The following CRMP1 variants were observed in gnomAD, a reference collection of about 807,000 sequenced individuals.
The protein encoded by CRMP1 is collapsin response mediator protein 1.
CRMP1 carries 19 observed loss-of-function variants against 68.3 expected under a neutral mutation model. The observed-to-expected ratio is 0.28, with a 90% confidence interval of 0.19 to 0.41. The LOEUF is 0.41. Ranked by LOEUF, CRMP1 falls within the 10% of genes least tolerant of loss-of-function variation. The pLI is 1.00. For synonymous variants in CRMP1, 439 were observed against 399.6 expected, an observed-to-expected ratio of 1.10 and a Z score of -1.18; for missense variants, 791 against 967.4, an observed-to-expected ratio of 0.82 and a Z score of 2.42.
chr4:5,824,516 CT>C (rs1292231108), intron 13 of CRMP1: 1 of 985,244 alleles, frequency 1.0e-6, no homozygotes, highest in Non-Finnish European at 1.2e-6. Context: ...CCCTTCCACT[CT>C]CTCTTTTGCT....
chr4:5,856,722 T>C (rs111066723), intron 3 of CRMP1, among the ~76,000 whole-genome samples: 2,639 of 150,028 alleles, frequency 0.018, 78 homozygotes, highest in African/African-American at 0.062. Context: ...CCGTCATCAC[T>C]ATCATTATCG....
chr4:5,875,998 A>T (rs1348451096), intron 1 of CRMP1, among the ~76,000 whole-genome samples: 2 of 151,966 alleles, frequency 1.3e-5, no homozygotes, highest in Admixed American at 1.3e-4. Context: ...TAAAAAATAC[A>T]AAAAATTAGC....
chr4:5,875,338 A>T (rs1714733125), intron 1 of CRMP1, among the ~76,000 whole-genome samples: 1 of 151,332 alleles, frequency 6.6e-6, no homozygotes, highest in East Asian at 1.9e-4. Context: ...TAAATCTGTC[A>T]TCTCCACCAT....
At position 5,839,534 on chromosome 4, in the gene CRMP1, G is replaced by A; in HGVS notation, c.1298C>T (p.Ser433Phe). The change falls in exon 9 of 14, where the codon TCC (serine) becomes TTC (phenylalanine). Residue 433 changes from serine (S) to phenylalanine (F), a missense_variant. By Grantham distance (155) the Ser-to-Phe change is radical (BLOSUM62 -2). Coordinates refer to ENST00000324989, the MANE Select transcript of CRMP1 (RefSeq NM_001014809.3). The stretch of plus-strand genomic sequence containing the variant: ...TCACAGGTCTCACCAGGCCAGTAGG[G>A]AGGTCAAGTAGTCGGGCGTGGTAGG... ...PDPTTPDYLT[S>F]LLACGDLQVT... 6.2e-7 allele frequency: 1 copy of A among 1,609,612 alleles called. No individual in the cohort carries two copies. Among genetic ancestry groups the A allele is most frequent in the Non-Finnish European group, 8.5e-7 (1 of 1,178,174 alleles).
intron 2 of CRMP1, among the ~76,000 whole-genome samples, chr4:5,864,592 G>A (rs982694207): frequency 3.3e-5 from 5 of 152,132 alleles, no homozygotes; most frequent in African/African-American, 1.2e-4. Context: ...ACGAGGCAAG[G>A]CCCTGGTCAA....
At position 5,842,997 on chromosome 4, in the gene CRMP1, G is replaced by T; in HGVS notation, c.1032+96C>A. The T allele has an allele frequency of 8.4e-7, 1 of 1,190,362 alleles. No homozygotes were observed. 73.7% of individuals were successfully genotyped at this position (1,190,362 alleles called of 1,614,324 possible). On this transcript the variant is annotated intron_variant, in intron 7 of 13. Coordinates refer to ENST00000324989, the MANE Select transcript of CRMP1 (RefSeq NM_001014809.3). This position sits in a 1 kb window ranked among gnomAD's most constrained non-coding sequence, Gnocchi z 4.5. ...TGGTCTGGGAGAGGACACGGGAAGAGGCCGGGTCCTGGCTGGGCTACTCCA... is the reference window on the plus strand; with the variant it reads ...TGGTCTGGGAGAGGACACGGGAAGATGCCGGGTCCTGGCTGGGCTACTCCA...
rs961252579 is a variant in CRMP1 at position 5,883,649 on chromosome 4, G to C, written c.381+8940C>G. On this transcript the variant is annotated intron_variant, in intron 1 of 13. Transcript: ENST00000324989. The surrounding 1 kb of genome is among the most constrained non-coding windows in gnomAD (Gnocchi z 4.5). ...TCACTTAGATGGCAAGATAATTAAGGTCAGGGACACACACACACACACACA... is the reference window on the plus strand; with the variant it reads ...TCACTTAGATGGCAAGATAATTAAGCTCAGGGACACACACACACACACACA... Among the ~76,000 whole-genome samples, 1 of 91,734 alleles carries C rather than the reference G, an allele frequency of 1.1e-5. No homozygotes were observed. The highest frequency in any genetic ancestry group is 2.4e-5 in the Non-Finnish European group (1 of 41,702). The allele number at this position is 91,734 out of a possible 152,430, so 60.2% of individuals were successfully genotyped here.
Position 5,851,476 on chromosome 4 carries a change from C to G in CRMP1, c.821-7G>C, listed in dbSNP as rs779191876. On this transcript the variant is annotated splice_polypyrimidine_tract_variant and splice_region_variant and intron_variant, in intron 4 of 13. Coordinates refer to ENST00000324989, the MANE Select transcript of CRMP1 (RefSeq NM_001014809.3). ...ACTTGGAAGGAATTGACGCCTGTTT[C>G]AAGATAGAAAGGATAGAAAAATATG... 6.8e-6 allele frequency: 11 copies of G among 1,613,574 alleles called. No individual in the cohort carries two copies. The highest frequency in any genetic ancestry group is 9.3e-6 in the Non-Finnish European group (11 of 1,179,500).
chr4:5,832,591 T>C (rs1720454708), intron 11 of CRMP1, among the ~76,000 whole-genome samples: 1 of 152,164 alleles, frequency 6.6e-6, no homozygotes, highest in Admixed American at 6.5e-5. Flanking sequence ...TCTGAAAAAA[T>C]TGCAATTATG....
Position 5,892,792 on chromosome 4 carries a change from A to G in CRMP1, c.178T>C (p.Ser60Pro). The G allele has an allele frequency of 7.6e-7, 1 of 1,321,634 alleles. No individual in the cohort carries two copies. Among genetic ancestry groups the G allele is most frequent in the Non-Finnish European group, 9.7e-7 (1 of 1,029,380 alleles). The allele number at this position is 1,321,634 out of a possible 1,614,324, so 81.9% of individuals were successfully genotyped here. The change falls in exon 1 of 14, where the codon TCG becomes CCG. Residue 60 changes from serine (S) to proline (P), a missense_variant. Around this residue, in one of 3 missense-constraint regions of CRMP1, gnomAD observed 193 missense variants for 186.3 expected, o/e 1.04. Coordinates refer to ENST00000324989, the MANE Select transcript of CRMP1 (RefSeq NM_001014809.3). This position sits in a 1 kb window ranked among gnomAD's most constrained non-coding sequence, Gnocchi z 8.6. Reference sequence around the variant, plus strand: ...CCAGCGCTGCGCGGCGTGCGCGCCGAGCCGCGGCGGCCCACACTGTAGGCG... The same window carrying G: ...CCAGCGCTGCGCGGCGTGCGCGCCGGGCCGCGGCGGCCCACACTGTAGGCG... ...FDAYSVGRRG[S>P]ARTPRSAGRP...
chr4:5,841,562 C>A lies in CRMP1; in HGVS notation c.1033-134G>T, dbSNP rs1233925830. ...AATGAGAAGGACATACTGAGTCCAA[C>A]AGCGCTTGACAGTGCCCCCTGCTCT... On this transcript the variant is annotated intron_variant, in intron 7 of 13. Transcript: ENST00000324989. This position sits in a 1 kb window ranked among gnomAD's most constrained non-coding sequence, Gnocchi z 6.9. 18 of 1,368,130 alleles carry A rather than the reference C, an allele frequency of 1.3e-5. No individual in the cohort carries two copies. The South Asian group carries it at 1.5e-4, about 11-fold the overall frequency. 84.7% of individuals were successfully genotyped at this position (1,368,130 alleles called of 1,614,324 possible). A position where few individuals can be genotyped will look rare whatever the true frequency, so the allele number is the denominator to read the frequency against.
rs1194978795 is a variant in CRMP1, at chr4:5,840,760, C to G, written c.1153+548G>C. Among the ~76,000 whole-genome samples, 4 of 152,208 alleles carry G rather than the reference C, an allele frequency of 2.6e-5. No individual in the cohort carries two copies. In the East Asian group the frequency reaches 7.7e-4, roughly 29 times the overall value. ...TGGTACCGCTTCCAGATTTCTGTAA[C>G]CTCTCTGAGCCCCGGTTTCCTTATC... is the stretch of plus-strand genomic sequence containing the variant. On this transcript the variant is annotated intron_variant, in intron 8 of 13. Transcript: ENST00000324989.
rs770057457 is a variant in CRMP1 at position 5,834,718 on chromosome 4, A to C, written c.1623+1197T>G. Among the ~76,000 whole-genome samples the C allele has an allele frequency of 9.7e-4, 148 of 152,204 alleles. No individual in the cohort carries two copies. The highest frequency in any genetic ancestry group is 2.8e-4 in the Non-Finnish European group (19 of 68,048). On this transcript the variant is annotated intron_variant, in intron 11 of 13. Coordinates refer to ENST00000324989, the MANE Select transcript of CRMP1 (RefSeq NM_001014809.3). This position sits in a 1 kb window ranked among gnomAD's most constrained non-coding sequence, Gnocchi z 4.3. ...CACGTGAAATAATTCATAATAAATA[A>C]TAGAATTGCAAGCCCTGCTGGACTG...
intron 11 of CRMP1, among the ~76,000 whole-genome samples, chr4:5,829,806 G>T (rs541991646): frequency 6.6e-6 from 1 of 152,248 alleles, no homozygotes; most frequent in African/African-American, 2.4e-5. Flanking sequence ...TAAACAGTTG[G>T]GTCATTACCA....
Position 5,825,681 on chromosome 4 carries a change from GTGAT to G in CRMP1, c.1804-26_1804-23del. 6.2e-7 allele frequency: 1 copy of G among 1,610,640 alleles called. No individual in the cohort carries two copies. On this transcript the variant is annotated intron_variant, in intron 12 of 13. Transcript: ENST00000324989. The surrounding 1 kb of genome is among the most constrained non-coding windows in gnomAD (Gnocchi z 4.4). Reference sequence around the variant, plus strand: ...AAACCTAAACAGAGGAAGGGAGAGTGTGATTGATCGACACTGTGCATGTGTGCCC... The same window carrying G: ...AAACCTAAACAGAGGAAGGGAGAGTGTGATCGACACTGTGCATGTGTGCCC...
At chr4:5,873,860 C>A (rs891120493) in intron 1 of CRMP1, among the ~76,000 whole-genome samples, 1 of 152,152 alleles carries the variant, frequency 6.6e-6, no homozygotes, top group Non-Finnish European at 1.5e-5. Flanking sequence ...GAAGCCAGAT[C>A]TCAGGGACCC....
At chr4:5,828,152 A>G (rs34599150) in intron 12 of CRMP1, 53,877 of 985,392 alleles carry the variant, frequency 0.055, 1,521 homozygotes, top group Non-Finnish European at 0.058. Flanking sequence ...AAGGAGGATC[A>G]CAGCACCTCC....
intron 4 of CRMP1, among the ~76,000 whole-genome samples, chr4:5,851,839 GGGAGGA>G (rs769856109): frequency 6.8e-6 from 1 of 147,332 alleles, no homozygotes; most frequent in Admixed American, 6.8e-5. Context: ...GAAGGAGAAG[GGGAGGA>G]GGAGGAGGAA....
rs1404455524 is a variant in CRMP1, at chr4:5,888,648, G to GCCCCGCCGAC, written c.381+3931_381+3940dup. 5.4e-5 allele frequency: 42 copies of GCCCCGCCGAC among 774,580 alleles called. No homozygotes were observed. The highest frequency in any genetic ancestry group is 1.3e-4 in the African/African-American group (3 of 23,076). The allele number at this position is 774,580 out of a possible 1,614,324, so 48.0% of individuals were successfully genotyped here. A position where few individuals can be genotyped will look rare whatever the true frequency, so the allele number is the denominator to read the frequency against. On this transcript the variant is annotated intron_variant, in intron 1 of 13. Coordinates refer to ENST00000324989, the MANE Select transcript of CRMP1 (RefSeq NM_001014809.3). This position sits in a 1 kb window ranked among gnomAD's most constrained non-coding sequence, Gnocchi z 6.4. ...CCGCCCCCCGCCCCCCACCCGCCCA[G>GCCCCGCCGAC]CCCCGCCGACCCCCGCCCTGCGCAC...
Sources: allele counts gnomAD v4.1 joint callset (sites outside exome capture counted in the v4.1 genomes callset), GRCh38; gene constraint gnomAD v4.1.1; regional missense constraint gnomAD v4.1.1; non-coding constraint Gnocchi (gnomAD v3.1); transcripts MANE v1.5; gene names NCBI Gene and HGNC (gene_info 2026-07-23, HGNC 2026-07-21).